The following GSE1 variants were observed in gnomAD, a reference collection of about 807,000 sequenced individuals.
The protein encoded by GSE1 is genetic suppressor element 1.
GSE1 carries 32 observed loss-of-function variants against 112.6 expected under a neutral mutation model. That is an observed-to-expected ratio of 0.28 (90% confidence interval 0.21 to 0.38). The LOEUF is 0.38. GSE1 is among the 10% of genes least tolerant of loss of function. The probability of loss-of-function intolerance (pLI) is 1.00; values close to 1 mark genes in which losing one functional copy is unlikely to be tolerated. For synonymous variants in GSE1, 1,115 were observed against 735.6 expected, an observed-to-expected ratio of 1.52 and a Z score of -8.35; for missense variants, 2,348 against 1,699.2, an observed-to-expected ratio of 1.38 and a Z score of -6.71.
chr16:85,425,062 G>GC (rs2048938517), intron 2 of GSE1, among the ~76,000 whole-genome samples: 1 of 152,242 alleles, frequency 6.6e-6, no homozygotes, highest in African/African-American at 2.4e-5. Context: ...TGGGCTGGGG[G>GC]CCCCGGGCCA....
At chr16:85,431,388 CT>C (rs1317042431) in intron 2 of GSE1, among the ~76,000 whole-genome samples, 2 of 152,230 alleles carry the variant, frequency 1.3e-5, no homozygotes, top group Non-Finnish European at 2.9e-5. Flanking sequence ...CCAGATTTTT[CT>C]GTCAAATCTG....
chr16:85,170,710 C>T (rs2074345912), exon 1 of GSE1: 1 of 985,680 alleles, frequency 1.0e-6, no homozygotes, highest in Non-Finnish European at 1.2e-6. Flanking sequence ...GGCTCAGGCC[C>T]CGTTCTTCCC....
chr16:85,179,040 A>G (rs940062647), intron 1 of GSE1, among the ~76,000 whole-genome samples: 2 of 152,048 alleles, frequency 1.3e-5, no homozygotes, highest in Non-Finnish European at 2.9e-5. Context: ...ACCCTTTGAA[A>G]GTGTACAGTT....
chr16:85,396,308 C>T (rs1304238855), intron 2 of GSE1, among the ~76,000 whole-genome samples: 11 of 152,224 alleles, frequency 7.2e-5, no homozygotes, highest in South Asian at 2.1e-4. Context: ...AGTGGGTGGC[C>T]GTGTTGTTTG....
chr16:85,357,019 C>T (rs1379286784), intron 1 of GSE1, among the ~76,000 whole-genome samples: 1 of 152,188 alleles, frequency 6.6e-6, no homozygotes, highest in Non-Finnish European at 1.5e-5. Context: ...GTGCCAGGCC[C>T]CAGGGGATCT....
intron 3 of GSE1, among the ~76,000 whole-genome samples, chr16:85,653,542 A>G (rs28608870): frequency 0.077 from 11,548 of 150,902 alleles, 1,118 homozygotes; most frequent in African/African-American, 0.22. Context: ...AGTCCTCTGG[A>G]CCACCTTCCC....
intron 1 of GSE1, 52 bp from the exon 2 acceptor site, chr16:85,633,862 C>G: frequency 1.4e-6 from 2 of 1,450,358 alleles, no homozygotes; most frequent in Non-Finnish European, 1.9e-6. Flanking sequence ...TGCTCTGGTG[C>G]TGGGCGCTCC....
intron 1 of GSE1, among the ~76,000 whole-genome samples, chr16:85,322,328 G>A (rs2046126138): frequency 6.6e-6 from 1 of 152,214 alleles, no homozygotes; most frequent in Non-Finnish European, 1.5e-5. Flanking sequence ...GTGGGGGAAG[G>A]GGAGCAGCCC....
chr16:85,576,530 A>G (rs1159558256), intron 1 of GSE1, among the ~76,000 whole-genome samples: 2 of 152,116 alleles, frequency 1.3e-5, no homozygotes, highest in African/African-American at 2.4e-5. Context: ...TCTGGGCCGC[A>G]TGTCTTCCTC....
chr16:85,482,145 G>T (rs1567524025), intron 2 of GSE1, among the ~76,000 whole-genome samples: 1 of 152,208 alleles, frequency 6.6e-6, no homozygotes, highest in Non-Finnish European at 1.5e-5. Context: ...GCCTTGGCAT[G>T]ATGCTCAGTG....
At chr16:85,374,308 C>T (rs1008030477) in intron 2 of GSE1, among the ~76,000 whole-genome samples, 3 of 150,148 alleles carry the variant, frequency 2.0e-5, no homozygotes, top group Non-Finnish European at 4.4e-5. Context: ...GTGTGGCCCT[C>T]GGTGTGCAGT....
chr16:85,523,028 CGTGT>C (rs1232381375), intron 2 of GSE1, among the ~76,000 whole-genome samples: 1 of 151,236 alleles, frequency 6.6e-6, no homozygotes, highest in African/African-American at 2.4e-5. Context: ...TGTGTGTATG[CGTGT>C]GTGTCTTTTG....
chr16:85,294,438 G>A (rs993011255), intron 1 of GSE1, among the ~76,000 whole-genome samples: 2 of 152,222 alleles, frequency 1.3e-5, no homozygotes, highest in East Asian at 1.9e-4. Flanking sequence ...ACATTTGTTC[G>A]TTCGTGTTCC....
intron 3 of GSE1, among the ~76,000 whole-genome samples, chr16:85,652,185 G>C (rs963580673): frequency 6.6e-6 from 1 of 152,230 alleles, no homozygotes; most frequent in Non-Finnish European, 1.5e-5. Flanking sequence ...CCCGTTCATA[G>C]CCGTGCCATC....
intron 2 of GSE1, among the ~76,000 whole-genome samples, chr16:85,648,100 G>A (rs914992163): frequency 1.3e-5 from 2 of 151,928 alleles, no homozygotes; most frequent in Admixed American, 1.3e-4. Flanking sequence ...TGTGTGTCCT[G>A]GGATGTCCAC....
At chr16:85,401,355 G>C (rs2048110556) in intron 2 of GSE1, among the ~76,000 whole-genome samples, 1 of 151,762 alleles carries the variant, frequency 6.6e-6, no homozygotes, top group Non-Finnish European at 1.5e-5. Context: ...CGGGCCATCA[G>C]AGTGGGTGGG....
chr16:85,397,538 G>A (rs759869785), intron 2 of GSE1, among the ~76,000 whole-genome samples: 11 of 152,314 alleles, frequency 7.2e-5, no homozygotes, highest in Admixed American at 7.2e-4. Context: ...GCCCCCCGCC[G>A]CTGCCTCCAG....
At chr16:85,612,163 G>A (rs1455642119), upstream of GSE1, among the ~76,000 whole-genome samples, 11 of 151,748 alleles carry the variant, frequency 7.2e-5, no homozygotes, top group East Asian at 2.0e-3. Context: ...GGCGGCAGGG[G>A]AGGCTCGCCG....
intron 2 of GSE1, among the ~76,000 whole-genome samples, chr16:85,420,934 T>G (rs1053634149): frequency 1.3e-4 from 20 of 152,140 alleles, no homozygotes; most frequent in Non-Finnish European, 2.8e-4. Flanking sequence ...CGCGCTGTCC[T>G]GCAGGGGGCG....
Sources: allele counts gnomAD v4.1 joint callset (sites outside exome capture counted in the v4.1 genomes callset), GRCh38; gene constraint gnomAD v4.1.1; transcripts MANE v1.5; gene names NCBI Gene and HGNC (gene_info 2026-07-23, HGNC 2026-07-21).